Variants in CC2D2B observed in about 807,000 individuals in gnomAD.
CC2D2B encodes the protein protein CC2D2B.
In CC2D2B, 128 loss-of-function variants were observed where a neutral mutation model predicts 161.2. The ratio of observed to expected loss-of-function variants is 0.79; its 90% CI spans 0.69 to 0.92. The LOEUF is 0.92. CC2D2B is among the 40% of genes least tolerant of loss of function. CC2D2B has a pLI of 0.00. For missense variants in CC2D2B, 1,173 were observed against 1,375.1 expected (o/e 0.85, Z 2.32); for synonymous variants, 391 against 449.8 (o/e 0.87, Z 1.65).
At position 96,019,224 on chromosome 10, in the gene CC2D2B, A is replaced by G; in HGVS notation, c.3652A>G (p.Thr1218Ala). Residue 1218 changes from threonine (T) to alanine (A), a missense_variant, in exon 31 of 35, where the codon ACT becomes GCT. Physicochemically the swap from Thr to Ala is moderately conservative, Grantham distance 58 (BLOSUM62 0). Around this residue, in one of 3 missense-constraint regions of CC2D2B, gnomAD observed 598 missense variants for 693.2 expected, o/e 0.86. Coordinates refer to ENST00000646931, the MANE Select transcript of CC2D2B (RefSeq NM_001349008.3). The stretch of plus-strand genomic sequence containing the variant: ...ACAGGGGCATGTGGCTTATGTAGTA[A>G]CTCAAGAAACTAATGAATATTTGCT... ...VLEGHVAYVV[T>A]QETNEYLLWN... is the part of the protein sequence containing the mutation. The G allele has an allele frequency of 2.5e-6, 4 of 1,607,218 alleles. No homozygotes were observed. Among genetic ancestry groups the G allele is most frequent in the Non-Finnish European group, 3.4e-6 (4 of 1,177,946 alleles).
At chr10:95,918,677 T>C (rs1270006087) in intron 2 of CC2D2B, among the ~76,000 whole-genome samples, 1 of 152,222 alleles carries the variant, frequency 6.6e-6, no homozygotes, top group African/African-American at 2.4e-5. Context: ...GAAAGTGTTA[T>C]TATCTTTTGA....
chr10:95,999,876 T>C (rs1352883454), intron 24 of CC2D2B: 7 of 492,210 alleles, frequency 1.4e-5, no homozygotes, highest in Non-Finnish European at 2.8e-5. Flanking sequence ...GGCACTTCAG[T>C]TGAACCCAGG....
intron 6 of CC2D2B, among the ~76,000 whole-genome samples, chr10:95,936,914 G>T (rs889031815): frequency 6.6e-6 from 1 of 152,182 alleles, no homozygotes; most frequent in African/African-American, 2.4e-5. Context: ...GCTCCAGTTG[G>T]AGCAAAGAGG....
At chr10:96,012,133 C>A in intron 26 of CC2D2B, 52 bp from the exon 27 acceptor site, 1 of 565,308 alleles carries the variant, frequency 1.8e-6, no homozygotes, top group South Asian at 2.5e-5. Flanking sequence ...AAATATTTGA[C>A]TGATGTTTAT....
intron 12 of CC2D2B, among the ~76,000 whole-genome samples, chr10:95,962,983 T>TG (rs1168199706): frequency 6.6e-6 from 1 of 152,088 alleles, no homozygotes; most frequent in East Asian, 1.9e-4. Flanking sequence ...GGACCCATAT[T>TG]GCCTGCTCAC....
chr10:95,955,050 A>G (rs996623312), intron 10 of CC2D2B, among the ~76,000 whole-genome samples: 2 of 152,046 alleles, frequency 1.3e-5, no homozygotes, highest in South Asian at 2.1e-4. Context: ...TTCTGTAACT[A>G]TGGGATTTTA....
intron 11 of CC2D2B, among the ~76,000 whole-genome samples, chr10:95,957,553 ATTTTTTTTT>A (rs869263327): frequency 1.2e-5 from 1 of 83,736 alleles, no homozygotes; most frequent in African/African-American, 4.9e-5. Context: ...GCTGACAATG[ATTTTTTTTT>A]TTTTTTTTTT....
chr10:95,993,325 A>G (rs1421065590), intron 22 of CC2D2B, among the ~76,000 whole-genome samples: 2 of 152,142 alleles, frequency 1.3e-5, no homozygotes, highest in African/African-American at 4.8e-5. Flanking sequence ...TATCCTGGAT[A>G]TTTAGTGTCT....
Position 96,031,856 on chromosome 10 carries a change from G to A in CC2D2B, c.4162G>A (p.Val1388Ile), listed in dbSNP as rs914975694. ...GFPIQMPYID[V>I]QSIIDAVYQT... ...TCCCATCCAGATGCCATACATTGAT[G>A]TACAGTCAATTATTGATGCTGTTTA... Residue 1388 changes from valine to isoleucine, a missense_variant, in exon 35 of 35, where the codon GTA becomes ATA. By Grantham distance (29) the Val-to-Ile change is conservative. Transcript: ENST00000646931. 3 of 1,613,622 alleles carry A rather than the reference G, an allele frequency of 1.9e-6. No individual in the cohort carries two copies. Among genetic ancestry groups the A allele is most frequent in the Non-Finnish European group, 2.5e-6 (3 of 1,179,664 alleles).
At position 95,980,217 on chromosome 10, in the gene CC2D2B, A is replaced by AGGAG. The variant is rs557012525; in HGVS notation, c.1944-1750_1944-1747dup. Among the ~76,000 whole-genome samples, 749 of 151,606 alleles carry AGGAG rather than the reference A, an allele frequency of 4.9e-3. 7 individuals carry two copies. The highest frequency in any genetic ancestry group is 0.017 in the African/African-American group (709 of 41,392). On this transcript the variant is annotated intron_variant, in intron 17 of 34. Transcript: ENST00000646931. ...AGAGAGGAAGGGAGGGAGGGAGGGA[A>AGGAG]GGAGGGAGGGAAAAATCTTCAATCA...
intron 29 of CC2D2B, among the ~76,000 whole-genome samples, chr10:96,015,867 A>G (rs759484031): frequency 9.2e-5 from 14 of 152,202 alleles, no homozygotes; most frequent in Non-Finnish European, 2.1e-4. Context: ...TCGAAATACC[A>G]GTCCATATGT....
intron 3 of CC2D2B, among the ~76,000 whole-genome samples, 161 bp from the exon 4 acceptor site, chr10:95,924,153 C>T (rs957016639): frequency 6.6e-6 from 1 of 152,168 alleles, no homozygotes; most frequent in Non-Finnish European, 1.5e-5. Context: ...ATCTATTTGT[C>T]TTAGATTCTA....
chr10:96,000,357 A>G, intron 24 of CC2D2B: 1 of 351,716 alleles, frequency 2.8e-6, no homozygotes, highest in Non-Finnish European at 4.0e-6. Flanking sequence ...ATAAATAAAT[A>G]AAATGTATTT....
At chr10:95,970,543 G>A (rs1323621818) in intron 15 of CC2D2B, among the ~76,000 whole-genome samples, 3 of 152,164 alleles carry the variant, frequency 2.0e-5, no homozygotes, top group Non-Finnish European at 4.4e-5. Flanking sequence ...CAGGGGACAA[G>A]ACTGGCTCCT....
intron 5 of CC2D2B, among the ~76,000 whole-genome samples, chr10:95,927,012 T>C (rs373738723): frequency 1.4e-4 from 21 of 152,250 alleles, no homozygotes; most frequent in African/African-American, 4.8e-4. Flanking sequence ...TCTGGCTGTA[T>C]ATTCTGGCTT....
rs552168392 is a variant in CC2D2B, at chr10:95,982,512, C to T, written c.2082+399C>T. ...GGTCACCTCTACTCTTCTTTATAGCCAACTGAACTGCTCTATGTACCTCAC... is the reference window on the plus strand; with the variant it reads ...GGTCACCTCTACTCTTCTTTATAGCTAACTGAACTGCTCTATGTACCTCAC... On this transcript the variant is annotated intron_variant, in intron 18 of 34. Transcript: ENST00000646931. Among the ~76,000 whole-genome samples the T allele has an allele frequency of 9.2e-5, 14 of 152,254 alleles. 1 individual carries two copies. In the South Asian group the frequency reaches 2.9e-3, roughly 32 times the overall value.
At position 95,927,349 on chromosome 10, in the gene CC2D2B, T is replaced by C; in HGVS notation, c.336+17T>C. The C allele has an allele frequency of 7.3e-7, 1 of 1,361,356 alleles. No individual in the cohort carries two copies. Among genetic ancestry groups the C allele is most frequent in the African/African-American group, 1.4e-5 (1 of 69,300 alleles). The allele number at this position is 1,361,356 out of a possible 1,614,324, so 84.3% of individuals were successfully genotyped here. A position where few individuals can be genotyped will look rare whatever the true frequency, so the allele number is the denominator to read the frequency against. ...TCAGAGCAGGTTGGATTTGTTTGCC[T>C]CCCTCCCACCATCTCACTCTCAGGA... is the stretch of plus-strand genomic sequence containing the variant. On this transcript the variant is annotated intron_variant, in intron 6 of 34. Transcript: ENST00000646931.
chr10:95,992,586 G>A lies in CC2D2B; in HGVS notation c.2531G>A (p.Arg844Lys). The A allele has an allele frequency of 4.1e-6, 5 of 1,234,188 alleles. No homozygotes were observed. The highest frequency in any genetic ancestry group is 5.1e-6 in the Non-Finnish European group (5 of 988,074). The allele number at this position is 1,234,188 out of a possible 1,614,324, so 76.5% of individuals were successfully genotyped here. Residue 844 changes from arginine to lysine, a missense_variant, in exon 22 of 35, where the codon AGG becomes AAG. Around this residue, in one of 3 missense-constraint regions of CC2D2B, gnomAD observed 598 missense variants for 693.2 expected, o/e 0.86. Coordinates refer to ENST00000646931, the MANE Select transcript of CC2D2B (RefSeq NM_001349008.3). ...VEPRRKLKPQ[R>K]KERKKVTAQA... ...CCACGGAGAAAGTTAAAACCTCAGA[G>A]GAAAGAAAGGAAAAAAGTCACAGCG...
intron 26 of CC2D2B, 33 bp from the exon 27 acceptor site, chr10:96,012,152 T>C: frequency 6.7e-6 from 4 of 597,016 alleles, no homozygotes; most frequent in Middle Eastern, 6.5e-4. Flanking sequence ...ATTTTCATCA[T>C]GCATAATCCA....
Sources: allele counts gnomAD v4.1 joint callset (sites outside exome capture counted in the v4.1 genomes callset), GRCh38; gene constraint gnomAD v4.1.1; regional missense constraint gnomAD v4.1.1; transcripts MANE v1.5; gene names NCBI Gene and HGNC (gene_info 2026-07-23, HGNC 2026-07-21).